The following FSTL5 variants were observed in gnomAD, a reference collection of about 807,000 sequenced individuals.
FSTL5 encodes the protein follistatin-related protein 5.
A neutral mutation model predicts 89.1 loss-of-function variants in FSTL5; 62 were observed. The observed-to-expected ratio is 0.70, with a 90% CI of 0.57 to 0.86. FSTL5 has a LOEUF of 0.86. Ranked by LOEUF, FSTL5 falls within the 40% of genes least tolerant of loss-of-function variation. The pLI is 0.00. For synonymous variants in FSTL5, 383 were observed against 346.2 expected (o/e 1.11, Z -1.18); for missense variants, 1,057 against 1,001.6 (o/e 1.06, Z -0.75).
At chr4:162,017,451 T>C (rs540739843) in intron 3 of FSTL5, among the ~76,000 whole-genome samples, 1 of 152,298 alleles carries the variant, frequency 6.6e-6, no homozygotes, top group Non-Finnish European at 1.5e-5. Context: ...CTGGTACCTA[T>C]GAGATGACCA....
rs1173907190 is a variant in FSTL5, at chr4:162,049,765, C to T, written c.127-16107G>A. ...TCCATACAAGAGAAATCAAAGGCAACACGAACAACTTAAAAGATCTGAAAA... is the reference window on the plus strand; with the variant it reads ...TCCATACAAGAGAAATCAAAGGCAATACGAACAACTTAAAAGATCTGAAAA... On this transcript the variant is annotated intron_variant, in intron 2 of 15. Coordinates refer to ENST00000306100, the MANE Select transcript of FSTL5 (RefSeq NM_020116.5). Among the ~76,000 whole-genome samples the T allele has an allele frequency of 5.9e-5, 9 of 152,126 alleles. No individual in the cohort carries two copies. The East Asian group carries it at 1.7e-3, about 29-fold the overall frequency.
At chr4:161,654,671 G>A (rs72689104) in intron 7 of FSTL5, among the ~76,000 whole-genome samples, 9,371 of 152,140 alleles carry the variant, frequency 0.062, 375 homozygotes, top group Non-Finnish European at 0.091. Flanking sequence ...ATAGGAGTTT[G>A]GGCTTGCATC....
intron 4 of FSTL5, among the ~76,000 whole-genome samples, chr4:161,882,469 C>CT (rs1215205732): frequency 6.6e-6 from 1 of 152,124 alleles, no homozygotes; most frequent in Non-Finnish European, 1.5e-5. Context: ...TGCCACCTCT[C>CT]TTAACTGAAA....
intron 4 of FSTL5, among the ~76,000 whole-genome samples, chr4:161,874,716 A>G (rs1387395663): frequency 3.3e-5 from 5 of 152,034 alleles, no homozygotes; most frequent in African/African-American, 1.2e-4. Context: ...TTAAACTGCC[A>G]TTTAACCTTT....
intron 1 of FSTL5, among the ~76,000 whole-genome samples, chr4:162,125,274 A>G (rs182197708): frequency 3.9e-5 from 6 of 152,278 alleles, no homozygotes; most frequent in Non-Finnish European, 7.4e-5. Flanking sequence ...TTAATGGTTT[A>G]TGATAAAGCT....
intron 7 of FSTL5, among the ~76,000 whole-genome samples, chr4:161,645,286 T>C (rs187784696): frequency 2.0e-4 from 31 of 152,242 alleles, no homozygotes; most frequent in Admixed American, 7.8e-4. Flanking sequence ...TATGTTAATA[T>C]TCCTTATGAA....
chr4:162,073,008 G>A (rs1175972742), intron 2 of FSTL5, among the ~76,000 whole-genome samples: 1 of 151,768 alleles, frequency 6.6e-6, no homozygotes, highest in Non-Finnish European at 1.5e-5. Flanking sequence ...TGGGTCTCAA[G>A]CAAGCCAGCC....
chr4:161,521,243 G>T (rs1486013172), intron 10 of FSTL5, among the ~76,000 whole-genome samples: 1 of 151,946 alleles, frequency 6.6e-6, no homozygotes, highest in Admixed American at 6.6e-5. Flanking sequence ...AACTCATGGT[G>T]ATTTGAATAT....
intron 15 of FSTL5, among the ~76,000 whole-genome samples, chr4:161,403,909 A>C (rs1329508972): frequency 6.6e-6 from 1 of 152,156 alleles, no homozygotes; most frequent in Non-Finnish European, 1.5e-5. Context: ...CTATATACTG[A>C]GTCAAGAAAA....
intron 8 of FSTL5, among the ~76,000 whole-genome samples, chr4:161,558,603 C>T (rs560611544): frequency 6.6e-6 from 1 of 151,942 alleles, no homozygotes; most frequent in Non-Finnish European, 1.5e-5. Flanking sequence ...ATACTCTCTG[C>T]GTCCACACCG....
intron 4 of FSTL5, among the ~76,000 whole-genome samples, chr4:161,833,944 T>G (rs959260289): frequency 6.6e-6 from 1 of 152,154 alleles, no homozygotes; most frequent in Non-Finnish European, 1.5e-5. Context: ...CTGGTTATTT[T>G]GCTCGTTAGT....
intron 3 of FSTL5, among the ~76,000 whole-genome samples, chr4:161,978,908 G>A (rs1735739224): frequency 6.6e-6 from 1 of 152,048 alleles, no homozygotes; most frequent in Non-Finnish European, 1.5e-5. Flanking sequence ...ATTATTCTAA[G>A]TTTTATCACT....
chr4:161,939,809 A>C (rs149313093), intron 3 of FSTL5, among the ~76,000 whole-genome samples: 98 of 152,070 alleles, frequency 6.4e-4, no homozygotes, highest in African/African-American at 2.4e-3. Flanking sequence ...ATATTAGTAT[A>C]GGATGTAGCT....
chr4:162,038,416 A>G (rs773184876), intron 2 of FSTL5, among the ~76,000 whole-genome samples: 4 of 151,922 alleles, frequency 2.6e-5, no homozygotes, highest in Non-Finnish European at 5.9e-5. Context: ...TAAATACAAG[A>G]GTCAACAATA....
At chr4:161,955,175 T>C (rs1285901844) in intron 3 of FSTL5, among the ~76,000 whole-genome samples, 2 of 151,650 alleles carry the variant, frequency 1.3e-5, no homozygotes, top group Non-Finnish European at 3.0e-5. Flanking sequence ...TATACTTGTA[T>C]AGATAGAGAC....
In FSTL5 at chr4:161,962,504, A is replaced by AT. The variant is rs990029763; in HGVS notation, c.161-41853dup. Among the ~76,000 whole-genome samples, 123 of 149,926 alleles carry AT rather than the reference A, an allele frequency of 8.2e-4. 1 individual carries two copies. Among genetic ancestry groups the AT allele is most frequent in the Admixed American group, 4.1e-3 (62 of 14,998 alleles). ...GAGAACAATAGTACTTCCTCAGAGT[A>AT]TTTTTTTTTGTAGTTGCTGCTAATA... is the stretch of plus-strand genomic sequence containing the variant. On this transcript the variant is annotated intron_variant, in intron 3 of 15. Coordinates refer to ENST00000306100, the MANE Select transcript of FSTL5 (RefSeq NM_020116.5).
At chr4:161,857,923 AC>A (rs527640546) in intron 4 of FSTL5, among the ~76,000 whole-genome samples, 145 of 152,300 alleles carry the variant, frequency 9.5e-4, no homozygotes, top group African/African-American at 3.2e-3. Context: ...TTTTAGCCTA[AC>A]TTTCGGCAAA....
chr4:161,987,272 GT>G (rs1735989155), intron 3 of FSTL5, among the ~76,000 whole-genome samples: 1 of 151,726 alleles, frequency 6.6e-6, no homozygotes, highest in African/African-American at 2.4e-5. Flanking sequence ...GTTGGTGGCT[GT>G]TTTTATTTGT....
At chr4:161,636,460 C>CTTT (rs67780564) in intron 7 of FSTL5, among the ~76,000 whole-genome samples, 6 of 121,076 alleles carry the variant, frequency 5.0e-5, no homozygotes, top group Non-Finnish European at 8.7e-5. Context: ...TTTTTTTTTT[C>CTTT]TTTTTTTTTT....
Sources: allele counts gnomAD v4.1 joint callset (sites outside exome capture counted in the v4.1 genomes callset), GRCh38; gene constraint gnomAD v4.1.1; transcripts MANE v1.5; gene names NCBI Gene and HGNC (gene_info 2026-07-23, HGNC 2026-07-21).